The following CXorf38 variants were observed in gnomAD, a reference collection of about 807,000 sequenced individuals.
The protein encoded by CXorf38 is uncharacterized protein CXorf38.
CXorf38 carries 13 observed loss-of-function variants against 27.5 expected under a neutral mutation model. The observed-to-expected ratio is 0.47, with a 90% CI of 0.31 to 0.75. The LOEUF (loss-of-function observed/expected upper bound fraction) is 0.75. CXorf38 is among the 30% of genes least tolerant of loss of function. The probability of loss-of-function intolerance (pLI) is 0.05; values close to 1 mark genes in which losing one functional copy is unlikely to be tolerated. For synonymous variants in CXorf38, 100 were observed against 99.8 expected (o/e 1.00, Z -0.01); for missense variants, 240 against 253.2 (o/e 0.95, Z 0.35).
intron 3 of CXorf38, among the ~76,000 whole-genome samples, chrX:40,638,224 TAG>T (rs1928159068): frequency 8.9e-6 from 1 of 112,264 alleles, no homozygotes; most frequent in Non-Finnish European, 1.9e-5. Context: ...ATAATTCATA[TAG>T]AGTCTTCCAC....
intron 2 of CXorf38, among the ~76,000 whole-genome samples, chrX:40,643,532 G>A (rs1463706479): frequency 1.8e-5 from 2 of 110,036 alleles, no homozygotes; most frequent in Admixed American, 1.9e-4. Context: ...TTTTGAGATG[G>A]AGTTTCCCTC....
Position 40,637,070 on chromosome X carries a change from T to C in CXorf38, c.558A>G (p.Gln186=). The C allele has an allele frequency of 8.3e-7, 1 of 1,206,633 alleles. No homozygotes were observed. Among genetic ancestry groups the C allele is most frequent in the Non-Finnish European group, 1.1e-6 (1 of 891,086 alleles). ...TGTTCTTGAATTCATTCAGAAAATT[T>C]TGGATCTTCATCTGAAAATCTCGAA... is the stretch of plus-strand genomic sequence containing the variant. The part of the protein sequence containing the change: ...TWLRDFQMKI[Q]NFLNEFKNIP... Residue 186 remains glutamine, a synonymous_variant, in exon 4 of 7, where the codon CAA becomes CAG. Transcript: ENST00000327877.
At chrX:40,632,433 T>G (rs1927865988) in intron 5 of CXorf38, among the ~76,000 whole-genome samples, 1 of 112,070 alleles carries the variant, frequency 8.9e-6, no homozygotes. Flanking sequence ...TCTTTCCCAT[T>G]ATCTTCAACA....
intron 4 of CXorf38, 101 bp from the exon 5 acceptor site, chrX:40,636,813 T>C: frequency 1.2e-6 from 1 of 818,307 alleles, no homozygotes. Flanking sequence ...ACTGGATCCA[T>C]ATTAATAGTG....
chrX:40,630,563 G>A, intron 6 of CXorf38, 51 bp downstream of exon 6: 1 of 1,104,192 alleles, frequency 9.1e-7, no homozygotes, highest in Non-Finnish European at 1.2e-6. Flanking sequence ...AGACATGAAA[G>A]AGATGAGGTG....
chrX:40,636,477 C>T lies in CXorf38; in HGVS notation c.801+56G>A, dbSNP rs147234966. On this transcript the variant is annotated intron_variant, in intron 5 of 6. Coordinates refer to ENST00000327877, the MANE Select transcript of CXorf38 (RefSeq NM_144970.3). ...GTTAAGATGAGCTACTCTTCCTCCC[C>T]AGAATCTTTCTTTGTGTTGTTAACT... is the stretch of plus-strand genomic sequence containing the variant. 7.7e-6 allele frequency: 6 copies of T among 782,038 alleles called. No homozygotes were observed. The East Asian group carries it at 1.6e-4, about 21-fold the overall frequency. 64.4% of individuals were successfully genotyped at this position (782,038 alleles called of 1,213,427 possible).
chrX:40,647,204 G>A, intron 1 of CXorf38, 63 bp from the exon 2 acceptor site: 3 of 1,193,579 alleles, frequency 2.5e-6, no homozygotes, highest in Non-Finnish European at 3.4e-6. Flanking sequence ...GCCCCGCATC[G>A]CGGAGGGAAC....
At chrX:40,637,865 G>A (rs892196441) in intron 3 of CXorf38, among the ~76,000 whole-genome samples, 9 of 111,462 alleles carry the variant, frequency 8.1e-5, no homozygotes. Context: ...TGTCAGTGCC[G>A]TTGAGGCTTG....
chrX:40,645,484 T>C (rs1928531948), intron 2 of CXorf38, among the ~76,000 whole-genome samples: 2 of 110,895 alleles, frequency 1.8e-5, no homozygotes, highest in African/African-American at 6.6e-5. Context: ...TTTTCTTTCT[T>C]TCTGTTTTTT....
intron 5 of CXorf38, 41 bp from the exon 6 acceptor site, chrX:40,630,814 T>C: frequency 5.2e-6 from 6 of 1,151,981 alleles, no homozygotes; most frequent in Non-Finnish European, 7.0e-6. Context: ...TAGACGATTT[T>C]ATAGCAGATT....
chrX:40,641,806 C>G (rs1928334420), intron 2 of CXorf38, among the ~76,000 whole-genome samples: 2 of 112,380 alleles, frequency 1.8e-5, no homozygotes, highest in African/African-American at 6.5e-5. Flanking sequence ...TTGCATACCA[C>G]CGTGTTCCAC....
intron 5 of CXorf38, among the ~76,000 whole-genome samples, chrX:40,633,561 A>G (rs1233573845): frequency 9.0e-6 from 1 of 111,399 alleles, no homozygotes; most frequent in East Asian, 2.8e-4. Flanking sequence ...TGTCTGTTTC[A>G]TTCACTGATG....
At position 40,629,019 on chromosome X, in the gene CXorf38, GT is replaced by G. The variant is rs544265389; in HGVS notation, c.*1144del. ...CAACCTAGTAGTAACAGTTTTTGGG[GT>G]TTTTTTTTTTTTGAGACAGGGTCTT... is the stretch of plus-strand genomic sequence containing the variant. On this transcript the variant is annotated 3_prime_UTR_variant, in exon 7 of 7. Transcript: ENST00000327877. 124 of 101,192 alleles carry G rather than the reference GT, an allele frequency of 1.2e-3. No homozygotes were observed. Among genetic ancestry groups the G allele is most frequent in the Non-Finnish European group, 1.5e-3 (75 of 49,954 alleles). The allele number at this position is 101,192 out of a possible 1,213,427, so 8.3% of individuals were successfully genotyped here.
chrX:40,643,608 A>C (rs1433803115), intron 2 of CXorf38, among the ~76,000 whole-genome samples: 1 of 111,422 alleles, frequency 9.0e-6, no homozygotes, highest in African/African-American at 3.3e-5. Context: ...TCCCAGGTTC[A>C]AGTGATTCTA....
In CXorf38 at chrX:40,646,129, T is replaced by C. The variant is rs1276855497; in HGVS notation, c.351+878A>G. Among the ~76,000 whole-genome samples, 4 of 4,095 alleles carry C rather than the reference T, an allele frequency of 9.8e-4. 2 individuals carry two copies. Among genetic ancestry groups the C allele is most frequent in the Non-Finnish European group, 6.4e-4 (2 of 3,138 alleles). 3.6% of individuals were successfully genotyped at this position (4,095 alleles called of 115,157 possible). ...CCCGCCACTGCGCCCGGCTAATTTTTTTGTATTTTTAGTAGAGACGGGGTT... is the reference window on the plus strand; with the variant it reads ...CCCGCCACTGCGCCCGGCTAATTTTCTTGTATTTTTAGTAGAGACGGGGTT... On this transcript the variant is annotated intron_variant, in intron 2 of 6. Coordinates refer to ENST00000327877, the MANE Select transcript of CXorf38 (RefSeq NM_144970.3).
At chrX:40,644,108 G>C (rs1431262188) in intron 2 of CXorf38, among the ~76,000 whole-genome samples, 5 of 112,280 alleles carry the variant, frequency 4.5e-5, no homozygotes, top group African/African-American at 1.6e-4. Flanking sequence ...TTTTTTGTAT[G>C]AATGTATGGT....
At chrX:40,637,969 G>A (rs1450105524) in intron 3 of CXorf38, among the ~76,000 whole-genome samples, 1 of 111,997 alleles carries the variant, frequency 8.9e-6, no homozygotes, top group African/African-American at 3.3e-5. Flanking sequence ...TTGAAGTCTT[G>A]TGGCCAGCTG....
intron 3 of CXorf38, among the ~76,000 whole-genome samples, chrX:40,638,486 G>C (rs766263657): frequency 5.0e-4 from 56 of 112,088 alleles, no homozygotes; most frequent in Middle Eastern, 4.2e-3. Context: ...AATCTAACAA[G>C]CACAGTGATC....
At chrX:40,638,952 T>C (rs1306325829) in intron 3 of CXorf38, 57 bp downstream of exon 3, 2 of 1,178,769 alleles carry the variant, frequency 1.7e-6, no homozygotes, top group African/African-American at 3.5e-5. Flanking sequence ...CATGACTGGC[T>C]CTCACAGCAC....
Sources: allele counts gnomAD v4.1 joint callset (sites outside exome capture counted in the v4.1 genomes callset), GRCh38; gene constraint gnomAD v4.1.1; transcripts MANE v1.5; gene names NCBI Gene and HGNC (gene_info 2026-07-23, HGNC 2026-07-21).